ATF7IP2: variants seen among roughly 807,000 people sequenced by gnomAD.
The protein encoded by ATF7IP2 is activating transcription factor 7 interacting protein 2, also known as activating transcription factor 7-interacting protein 2.
ATF7IP2 carries 42 observed loss-of-function variants against 64.2 expected under a neutral mutation model. That is an observed-to-expected ratio of 0.65 (90% CI 0.51 to 0.85). The LOEUF (loss-of-function observed/expected upper bound fraction) is 0.85, where lower values mean the gene tolerates loss of function less well. Among genes scored for constraint, ATF7IP2 ranks in the 40% least tolerant of loss-of-function variants. The pLI is 0.00. For synonymous variants in ATF7IP2, 308 were observed against 272.8 expected, an observed-to-expected ratio of 1.13 and a Z score of -1.27; for missense variants, 933 against 784.2, an observed-to-expected ratio of 1.19 and a Z score of -2.27.
At chr16:10,478,697 T>A (rs987197258) in intron 12 of ATF7IP2, among the ~76,000 whole-genome samples, 220 of 152,174 alleles carry the variant, frequency 1.4e-3, no homozygotes, top group Non-Finnish European at 2.1e-3. Context: ...CAAAAGAAAC[T>A]ACCATCAGAG....
At chr16:10,457,089 CTAATAGGAA>C (rs2049195102) in intron 8 of ATF7IP2, among the ~76,000 whole-genome samples, 1 of 152,072 alleles carries the variant, frequency 6.6e-6, no homozygotes, top group Admixed American at 6.6e-5. Context: ...AAAAGTTAGT[CTAATAGGAA>C]TAAAGTGTTG....
chr16:10,458,764 G>C (rs1230640232), intron 9 of ATF7IP2, among the ~76,000 whole-genome samples: 1 of 152,170 alleles, frequency 6.6e-6, no homozygotes, highest in East Asian at 1.9e-4. Flanking sequence ...TTACAGAAAT[G>C]GAAAATTACA....
intron 11 of ATF7IP2, 42 bp downstream of exon 11, chr16:10,473,576 A>G: frequency 2.2e-6 from 3 of 1,369,516 alleles, no homozygotes; most frequent in Non-Finnish European, 2.0e-6. Context: ...TTATTTAAAT[A>G]TGTTAGTTCA....
chr16:10,447,130 C>G (rs1183548418), intron 8 of ATF7IP2: 1 of 152,318 alleles, frequency 6.6e-6, no homozygotes, highest in Non-Finnish European at 1.5e-5. Flanking sequence ...TCACTCTGCA[C>G]AGCAGTAGTG....
In ATF7IP2 at chr16:10,433,727, AGT is replaced by A. The variant is rs539670131; in HGVS notation, c.960+80_960+81del. 2.7e-3 allele frequency: 4,029 copies of A among 1,511,038 alleles called. 8 individuals are homozygous for A. Among genetic ancestry groups the A allele is most frequent in the Non-Finnish European group, 3.1e-3 (3,370 of 1,096,796 alleles). 93.6% of individuals were successfully genotyped at this position (1,511,038 alleles called of 1,614,324 possible). ...TAAAAGTTAATTATCTGGTCCCCAC[AGT>A]GGCATAATACAGACGACTTTCACTT... On this transcript the variant is annotated intron_variant, in intron 6 of 13. Coordinates refer to ENST00000562102, the MANE Select transcript of ATF7IP2 (RefSeq NM_001393719.1).
intron 1 of ATF7IP2, among the ~76,000 whole-genome samples, chr16:10,390,256 C>A (rs905049780): frequency 6.6e-6 from 1 of 151,892 alleles, no homozygotes. Context: ...CCCATAACTT[C>A]GAACTATAAC....
chr16:10,443,498 C>T (rs371701697), intron 8 of ATF7IP2, among the ~76,000 whole-genome samples: 5 of 152,192 alleles, frequency 3.3e-5, no homozygotes, highest in African/African-American at 9.7e-5. Context: ...TGTGCACAAG[C>T]GTAACAACTG....
intron 7 of ATF7IP2, 59 bp from the exon 8 acceptor site, chr16:10,440,305 T>C (rs965436795): frequency 4.5e-5 from 36 of 801,894 alleles, no homozygotes; most frequent in Admixed American, 1.3e-4. Context: ...TTACCCTCTA[T>C]CTCTATGTGA....
chr16:10,386,970 G>A (rs148483466), intron 1 of ATF7IP2: 50 of 152,084 alleles, frequency 3.3e-4, no homozygotes, highest in Admixed American at 1.3e-4. Flanking sequence ...CTTCCTTTAC[G>A]ACACAATGGC....
intron 1 of ATF7IP2, among the ~76,000 whole-genome samples, chr16:10,393,243 G>A (rs1454231851): frequency 6.7e-6 from 1 of 150,264 alleles, no homozygotes; most frequent in Admixed American, 6.7e-5. Flanking sequence ...CTGGGAGGCG[G>A]AGGTTGCAGT....
chr16:10,401,108 G>A lies in ATF7IP2; in HGVS notation c.-241-13466G>A, dbSNP rs145093929. Among the ~76,000 whole-genome samples, 900 of 152,262 alleles carry A rather than the reference G, an allele frequency of 5.9e-3. 7 individuals are homozygous for A. The highest frequency in any genetic ancestry group is 6.8e-3 in the Admixed American group (104 of 15,286). ...TGATAAATCACATTTATTGATTTGC[G>A]TGTGTAGAACCATCCTTGCATCCTT... On this transcript the variant is annotated intron_variant, in intron 1 of 13. Coordinates refer to ENST00000562102, the MANE Select transcript of ATF7IP2 (RefSeq NM_001393719.1).
intron 8 of ATF7IP2, among the ~76,000 whole-genome samples, chr16:10,451,175 G>C (rs546046899): frequency 1.3e-5 from 2 of 152,340 alleles, no homozygotes; most frequent in South Asian, 4.1e-4. Flanking sequence ...GGTTTCTGCA[G>C]AGAGAGCTGC....
chr16:10,482,382 A>G lies in ATF7IP2; in HGVS notation c.*133A>G, dbSNP rs2050270440. 4.7e-6 allele frequency: 3 copies of G among 640,066 alleles called. No individual in the cohort carries two copies. Among genetic ancestry groups the G allele is most frequent in the Admixed American group, 3.3e-5 (1 of 30,160 alleles). 39.6% of individuals were successfully genotyped at this position (640,066 alleles called of 1,614,324 possible). On this transcript the variant is annotated 3_prime_UTR_variant, in exon 14 of 14. Transcript: ENST00000562102. ...TTCTATTGGGACAGTCCTCTTCTAT[A>G]TGTTTTAAGTGGCCAGTAATTTAAT... is the stretch of plus-strand genomic sequence containing the variant.
chr16:10,434,475 C>G (rs1331294927), intron 6 of ATF7IP2, among the ~76,000 whole-genome samples: 1 of 152,128 alleles, frequency 6.6e-6, no homozygotes, highest in Non-Finnish European at 1.5e-5. Flanking sequence ...TTTTTTAAAA[C>G]AGACCATTAC....
intron 12 of ATF7IP2, among the ~76,000 whole-genome samples, chr16:10,479,085 C>T (rs2050117312): frequency 1.3e-5 from 2 of 151,002 alleles, no homozygotes; most frequent in South Asian, 2.1e-4. Flanking sequence ...TTGTGGAAGT[C>T]AGTGTGGCAA....
At chr16:10,422,260 A>G (rs1448898260) in intron 3 of ATF7IP2, among the ~76,000 whole-genome samples, 10 of 152,318 alleles carry the variant, frequency 6.6e-5, no homozygotes, top group East Asian at 5.8e-4. Flanking sequence ...AGGCTTAACA[A>G]TGGCCACCAT....
chr16:10,393,242 G>A (rs991448091), intron 1 of ATF7IP2, among the ~76,000 whole-genome samples: 4 of 149,808 alleles, frequency 2.7e-5, no homozygotes, highest in Admixed American at 6.7e-5. Context: ...CCTGGGAGGC[G>A]GAGGTTGCAG....
rs1407282590 is a variant in ATF7IP2, at chr16:10,457,393, A to T, written c.1216A>T (p.Ile406Phe). The change falls in exon 9 of 14, where the codon ATT (isoleucine) becomes TTT (phenylalanine). Residue 406 changes from isoleucine to phenylalanine, a missense_variant. Transcript: ENST00000562102. ...ASKVANSEAM[I>F]LDKNLESVNS... ...ATAGGTTGCAAATTCAGAGGCTATG[A>T]TTTTGGATAAGAATCTTGAGTCAGT... is the stretch of plus-strand genomic sequence containing the variant. 6.2e-7 allele frequency: 1 copy of T among 1,607,918 alleles called. No individual in the cohort carries two copies.
intron 9 of ATF7IP2, among the ~76,000 whole-genome samples, chr16:10,469,358 T>G (rs2049702652): frequency 6.6e-6 from 1 of 152,062 alleles, no homozygotes; most frequent in South Asian, 2.1e-4. Flanking sequence ...TATTGGAGTA[T>G]CACTAAGGCA....
Sources: gnomAD v4.1 joint callset for allele counts (sites outside exome capture counted in the v4.1 genomes callset) on GRCh38, gnomAD v4.1.1 for gene constraint, MANE v1.5 for transcripts, NCBI Gene and HGNC (gene_info 2026-07-23, HGNC 2026-07-21) for gene names.